C1orf167: variants seen among roughly 807,000 people sequenced by gnomAD.
C1orf167 encodes the protein uncharacterized protein C1orf167.
In C1orf167, 153 loss-of-function variants were observed where a neutral mutation model predicts 176.5. The ratio of observed to expected loss-of-function variants is 0.87; its 90% confidence interval spans 0.76 to 0.99. The LOEUF is 0.99. C1orf167 is among the 50% of genes least tolerant of loss of function. The probability of loss-of-function intolerance (pLI) is 0.00; values close to 1 mark genes in which losing one functional copy is unlikely to be tolerated. For missense variants in C1orf167, 1,490 were observed against 1,817.7 expected (o/e 0.82, Z 3.28); for synonymous variants, 594 against 752.7 (o/e 0.79, Z 3.45).
intron 6 of C1orf167, among the ~76,000 whole-genome samples, chr1:11,770,449 C>CTTT (rs35237748): frequency 3.5e-5 from 5 of 142,686 alleles, no homozygotes; most frequent in Non-Finnish European, 6.1e-5. Flanking sequence ...TTATATTTTT[C>CTTT]TTTTTTTTTT....
intron 14 of C1orf167, among the ~76,000 whole-genome samples, chr1:11,783,414 A>C (rs981297747): frequency 1.3e-5 from 2 of 151,768 alleles, no homozygotes; most frequent in Non-Finnish European, 2.9e-5. Flanking sequence ...CACCTGGCTA[A>C]TTTTGTATTT....
chr1:11,763,852 T>G (rs965954348), intron 1 of C1orf167, among the ~76,000 whole-genome samples: 1 of 152,140 alleles, frequency 6.6e-6, no homozygotes, highest in Non-Finnish European at 1.5e-5. Flanking sequence ...GCAGAGCCTG[T>G]CAGAGCAGCC....
rs1396449150 is a variant in C1orf167 at position 11,788,037 on chromosome 1, C to T, written c.3838C>T (p.Arg1280Trp). ...ACKAQSKAHK[R>W]RLRARSCRIL... ...CAAAGCCCAAAGCAAGGCCCATAAA[C>T]GGAGGCTACGGTAAGAGGAGCTGTG... The change falls in exon 18 of 21, where the codon CGG becomes TGG. Residue 1280 changes from arginine (R) to tryptophan (W), a missense_variant. By Grantham distance (101) the Arg-to-Trp change is moderately radical. Coordinates refer to ENST00000688073, the MANE Select transcript of C1orf167 (RefSeq NM_001010881.2). The T allele has an allele frequency of 1.0e-5, 13 of 1,296,458 alleles. No individual in the cohort carries two copies. The East Asian group carries it at 1.7e-4, about 17-fold the overall frequency. The allele number at this position is 1,296,458 out of a possible 1,614,324, so 80.3% of individuals were successfully genotyped here.
In C1orf167 at chr1:11,779,966, G is replaced by C; in HGVS notation, c.2816G>C (p.Arg939Pro). The change falls in exon 13 of 21, where the codon CGG becomes CCG. Residue 939 changes from arginine (R) to proline (P), a missense_variant. By Grantham distance (103) the Arg-to-Pro change is moderately radical. Coordinates refer to ENST00000688073, the MANE Select transcript of C1orf167 (RefSeq NM_001010881.2). Reference protein sequence around the residue: ...VEWWAQERGWRLARDALCHWH... With the variant: ...VEWWAQERGWPLARDALCHWH... The stretch of plus-strand genomic sequence containing the variant: ...TGGTGGGCCCAGGAGCGGGGCTGGC[G>C]GCTGGCACGAGATGCCCTATGCCAC... The C allele has an allele frequency of 7.7e-7, 1 of 1,297,566 alleles. No individual in the cohort carries two copies. Among genetic ancestry groups the C allele is most frequent in the South Asian group, 1.2e-5 (1 of 80,680 alleles). The allele number at this position is 1,297,566 out of a possible 1,614,324, so 80.4% of individuals were successfully genotyped here. A position where few individuals can be genotyped will look rare whatever the true frequency, so the allele number is the denominator to read the frequency against.
intron 19 of C1orf167, 44 bp downstream of exon 19, chr1:11,788,422 A>G: frequency 2.4e-6 from 3 of 1,262,436 alleles, no homozygotes; most frequent in Non-Finnish European, 3.1e-6. Flanking sequence ...CTCCCATTTC[A>G]CCTCATACTT....
chr1:11,783,920 C>T (rs772359216), intron 14 of C1orf167, among the ~76,000 whole-genome samples: 4 of 152,144 alleles, frequency 2.6e-5, no homozygotes, highest in Admixed American at 2.0e-4. Context: ...TGCACTTGCG[C>T]GATCTCGGCT....
At chr1:11,783,842 ATC>A (rs1643703604) in intron 14 of C1orf167, among the ~76,000 whole-genome samples, 1 of 151,262 alleles carries the variant, frequency 6.6e-6, no homozygotes, top group African/African-American at 2.4e-5. Context: ...CCTCCCATGC[ATC>A]TGTTTTTGTT....
intron 6 of C1orf167, among the ~76,000 whole-genome samples, chr1:11,771,306 C>T (rs1055219001): frequency 8.5e-4 from 129 of 151,012 alleles, no homozygotes; most frequent in Middle Eastern, 3.4e-3. Context: ...TTAAAAAAAT[C>T]CAAATAGTAT....
chr1:11,771,344 T>A (rs1643066164), intron 6 of C1orf167, among the ~76,000 whole-genome samples, 180 bp from the exon 7 acceptor site: 1 of 151,762 alleles, frequency 6.6e-6, no homozygotes, highest in African/African-American at 2.4e-5. Context: ...GAGCAGAACC[T>A]CCCCCCAGCA....
rs1428997387 is a variant in C1orf167, at chr1:11,771,976, G to A, written c.1811-106G>A. ...AGCTAGACTTCACTTACTCAGAGATGGGGGGTGCCCTGCGACAGGCACCCC... is the reference window on the plus strand; with the variant it reads ...AGCTAGACTTCACTTACTCAGAGATAGGGGGTGCCCTGCGACAGGCACCCC... On this transcript the variant is annotated intron_variant, in intron 7 of 20. Transcript: ENST00000688073. 4 of 831,422 alleles carry A rather than the reference G, an allele frequency of 4.8e-6. No individual in the cohort carries two copies. The South Asian group carries it at 6.9e-5, about 14-fold the overall frequency. The allele number at this position is 831,422 out of a possible 1,614,324, so 51.5% of individuals were successfully genotyped here.
chr1:11,777,341 C>A (rs1643366468), intron 10 of C1orf167: 1 of 152,796 alleles, frequency 6.5e-6, no homozygotes, highest in Admixed American at 6.5e-5. Context: ...TGGAAGCGAG[C>A]AGTTGCAGGG....
chr1:11,785,114 T>G (rs1231813675), intron 15 of C1orf167, 34 bp from the exon 16 acceptor site: 2 of 1,241,450 alleles, frequency 1.6e-6, no homozygotes, highest in South Asian at 2.6e-5. Flanking sequence ...CTGGCCTTTA[T>G]GGCCCTGGCT....
rs1327810445 is a variant in C1orf167, at chr1:11,785,172, G to A, written c.3450G>A (p.Ser1150=). ...GGGTCCTAGAGGCCTCGGTGCAGTC[G>A]GCGGTGCGCGGCGGTGTCCAGCGAG... is the stretch of plus-strand genomic sequence containing the variant. ...RAWVLEASVQ[S]AVRGGVQRAI... is the part of the protein sequence containing the mutation. The change falls in exon 16 of 21, where the codon TCG becomes TCA. Residue 1150 remains serine (S), a synonymous_variant. Transcript: ENST00000688073. The A allele has an allele frequency of 7.0e-6, 9 of 1,291,250 alleles. No individual in the cohort carries two copies. The East Asian group carries it at 1.7e-4, about 24-fold the overall frequency. The allele number at this position is 1,291,250 out of a possible 1,614,324, so 80.0% of individuals were successfully genotyped here.
intron 13 of C1orf167, 38 bp downstream of exon 13, chr1:11,780,048 G>A: frequency 8.1e-7 from 1 of 1,235,438 alleles, no homozygotes; most frequent in Non-Finnish European, 1.1e-6. Context: ...GCGGGTGAGG[G>A]CAGGGCCAGG....
chr1:11,772,569 C>A (rs1171189868), intron 8 of C1orf167, among the ~76,000 whole-genome samples: 1 of 152,158 alleles, frequency 6.6e-6, no homozygotes, highest in African/African-American at 2.4e-5. Flanking sequence ...GCCTGGCCCC[C>A]ACTTCCCTTT....
In C1orf167 at chr1:11,766,198, GAGCCTGGGGGAAGCTCTGGGCCCCAC is replaced by G. The variant is rs1642784069; in HGVS notation, c.414_439del (p.Pro139AlafsTer31). The G allele has an allele frequency of 1.6e-6, 2 of 1,289,644 alleles. No homozygotes were observed. Among genetic ancestry groups the G allele is most frequent in the Non-Finnish European group, 2.0e-6 (2 of 988,828 alleles). 79.9% of individuals were successfully genotyped at this position (1,289,644 alleles called of 1,614,324 possible). A position where few individuals can be genotyped will look rare whatever the true frequency, so the allele number is the denominator to read the frequency against. ...GACCAGCAGCCCCCACCTCTGCCCA[GAGCCTGGGGGAAGCTCTGGGCCCCAC>G]AAGCTTCCCTGGGGTCCTCTCCTAT... On this transcript the variant is annotated frameshift_variant, in exon 3 of 21. Coordinates refer to ENST00000688073, the MANE Select transcript of C1orf167 (RefSeq NM_001010881.2). LOFTEE classifies it high-confidence loss of function. The surrounding 1 kb of genome is among the most constrained non-coding windows in gnomAD (Gnocchi z 4.5).
At position 11,766,608 on chromosome 1, in the gene C1orf167, C is replaced by T. The variant is rs556397276; in HGVS notation, c.822C>T (p.Gly274=). ...TGCAGCAGGACCTCTGGACCGGCGG[C>T]GGCCAGCCATTCTCCGCCCACCCCC... is the stretch of plus-strand genomic sequence containing the variant. ...GAVQQDLWTG[G]GQPFSAHPQP... is the part of the protein sequence containing the mutation. The change falls in exon 3 of 21, where the codon GGC becomes GGT. Residue 274 remains glycine (G), a synonymous_variant. Transcript: ENST00000688073. The surrounding 1 kb of genome is among the most constrained non-coding windows in gnomAD (Gnocchi z 4.5). The T allele has an allele frequency of 1.6e-4, 203 of 1,278,598 alleles. No homozygotes were observed. The highest frequency in any genetic ancestry group is 1.9e-4 in the Non-Finnish European group (186 of 982,942). 79.2% of individuals were successfully genotyped at this position (1,278,598 alleles called of 1,614,324 possible).
Position 11,776,448 on chromosome 1 carries a change from C to T in C1orf167, c.2165-16C>T. 7.7e-7 allele frequency: 1 copy of T among 1,298,362 alleles called. No individual in the cohort carries two copies. The highest frequency in any genetic ancestry group is 1.0e-6 in the Non-Finnish European group (1 of 986,418). 80.4% of individuals were successfully genotyped at this position (1,298,362 alleles called of 1,614,324 possible). ...CAGTGGGGAGGCAGCTGACTGGACT[C>T]TTGACGGTTTCTCAGGACGTGAGGC... On this transcript the variant is annotated splice_polypyrimidine_tract_variant and intron_variant, in intron 9 of 20. Coordinates refer to ENST00000688073, the MANE Select transcript of C1orf167 (RefSeq NM_001010881.2).
At chr1:11,788,548 C>A in intron 19 of C1orf167, 104 bp from the exon 20 acceptor site, 1 of 1,137,712 alleles carries the variant, frequency 8.8e-7, no homozygotes, top group Non-Finnish European at 1.2e-6. Flanking sequence ...CTTGCCATAG[C>A]CCTTTCACTC....
Sources: allele counts gnomAD v4.1 joint callset (sites outside exome capture counted in the v4.1 genomes callset), GRCh38; gene constraint gnomAD v4.1.1; non-coding constraint Gnocchi (gnomAD v3.1); transcripts MANE v1.5; gene names NCBI Gene and HGNC (gene_info 2026-07-23, HGNC 2026-07-21).